CTNNBL1: variants seen among roughly 807,000 people sequenced by gnomAD.
CTNNBL1 encodes the protein beta-catenin-like protein 1.
Under a neutral mutation model 72.7 loss-of-function variants are expected in CTNNBL1, and 31 were observed. The ratio of observed to expected loss-of-function variants is 0.43; its 90% CI spans 0.32 to 0.58. The LOEUF (loss-of-function observed/expected upper bound fraction) is 0.58. Ranked by LOEUF, CTNNBL1 falls within the 20% of genes least tolerant of loss-of-function variation. CTNNBL1 has a pLI of 0.08. For synonymous variants in CTNNBL1, 240 were observed against 267.3 expected, an observed-to-expected ratio of 0.90 and a Z score of 1.00; for missense variants, 534 against 725.1, an observed-to-expected ratio of 0.74 and a Z score of 3.03.
chr20:37,809,537 A>G (rs1173243566), intron 11 of CTNNBL1, among the ~76,000 whole-genome samples: 1 of 152,184 alleles, frequency 6.6e-6, no homozygotes, highest in Non-Finnish European at 1.5e-5. Flanking sequence ...GTAATTGGCT[A>G]AACTGAGAGT....
intron 10 of CTNNBL1, among the ~76,000 whole-genome samples, chr20:37,791,850 C>CG (rs961110079): frequency 5.9e-5 from 9 of 152,200 alleles, no homozygotes; most frequent in African/African-American, 2.2e-4. Context: ...CGTGGAAAAA[C>CG]TATCTTCCAC....
chr20:37,757,422 A>C, intron 4 of CTNNBL1, 137 bp from the exon 5 acceptor site: 1 of 553,090 alleles, frequency 1.8e-6, no homozygotes, highest in Non-Finnish European at 3.3e-6. Context: ...ACCTTGTTGA[A>C]GAGATGTTAA....
intron 11 of CTNNBL1, among the ~76,000 whole-genome samples, chr20:37,810,243 T>C (rs1439979890): frequency 6.6e-6 from 1 of 152,084 alleles, no homozygotes; most frequent in Non-Finnish European, 1.5e-5. Context: ...GCCCATCTGG[T>C]GAGGGACTCA....
intron 1 of CTNNBL1, among the ~76,000 whole-genome samples, chr20:37,705,880 A>C (rs1202720751): frequency 2.0e-5 from 3 of 152,202 alleles, no homozygotes; most frequent in Non-Finnish European, 4.4e-5. Context: ...ACCTTCTCCA[A>C]GGTCAGCCAT....
chr20:37,861,914 A>G (rs1357777528), intron 15 of CTNNBL1, among the ~76,000 whole-genome samples: 1 of 152,214 alleles, frequency 6.6e-6, no homozygotes, highest in Non-Finnish European at 1.5e-5. Context: ...GAGAGGTGGC[A>G]TTGAGCTGGT....
chr20:37,767,493 C>T (rs1207280248), intron 6 of CTNNBL1, among the ~76,000 whole-genome samples: 1 of 152,142 alleles, frequency 6.6e-6, no homozygotes, highest in Non-Finnish European at 1.5e-5. Context: ...TTCTTGCTTC[C>T]ACCTGATGCA....
At chr20:37,866,277 G>A (rs1468578932) in intron 15 of CTNNBL1, among the ~76,000 whole-genome samples, 1 of 152,230 alleles carries the variant, frequency 6.6e-6, no homozygotes, top group Non-Finnish European at 1.5e-5. Flanking sequence ...GAGGGCTCTC[G>A]GGAAGCGCTG....
chr20:37,850,370 G>A (rs1408299306), intron 13 of CTNNBL1, among the ~76,000 whole-genome samples: 1 of 152,182 alleles, frequency 6.6e-6, no homozygotes, highest in East Asian at 1.9e-4. Context: ...TTGTTCCCTT[G>A]GGAAATGCCT....
At chr20:37,758,496 G>C (rs926057862) in intron 5 of CTNNBL1, among the ~76,000 whole-genome samples, 1 of 152,322 alleles carries the variant, frequency 6.6e-6, no homozygotes, top group East Asian at 1.9e-4. Flanking sequence ...TGATAAAAGA[G>C]ACTGCATGTT....
intron 1 of CTNNBL1, among the ~76,000 whole-genome samples, chr20:37,713,279 C>T (rs140647343): frequency 0.015 from 2,216 of 152,288 alleles, 22 homozygotes; most frequent in Middle Eastern, 0.024. Context: ...ACTTCCCATC[C>T]TCTTGGAGCC....
At chr20:37,792,096 G>A (rs2073730197) in intron 10 of CTNNBL1, among the ~76,000 whole-genome samples, 1 of 152,158 alleles carries the variant, frequency 6.6e-6, no homozygotes, top group South Asian at 2.1e-4. Context: ...GCAAAAAGAT[G>A]TTCATAAATA....
At chr20:37,868,783 C>T (rs562333687) in intron 15 of CTNNBL1, among the ~76,000 whole-genome samples, 19 of 152,248 alleles carry the variant, frequency 1.2e-4, no homozygotes, top group African/African-American at 4.1e-4. Flanking sequence ...TCAGGGAAGC[C>T]GGCTTTACTG....
intron 15 of CTNNBL1, among the ~76,000 whole-genome samples, chr20:37,868,993 A>G (rs1044606504): frequency 6.6e-6 from 1 of 152,178 alleles, no homozygotes; most frequent in Non-Finnish European, 1.5e-5. Flanking sequence ...ACATGTGAGT[A>G]AGAGATACCA....
intron 11 of CTNNBL1, among the ~76,000 whole-genome samples, chr20:37,836,620 C>G (rs566701035): frequency 1.3e-5 from 2 of 152,310 alleles, no homozygotes; most frequent in African/African-American, 4.8e-5. Flanking sequence ...ACTTGTTACA[C>G]AGTGCTATAA....
intron 1 of CTNNBL1, among the ~76,000 whole-genome samples, chr20:37,698,386 C>T (rs1425469893): frequency 6.6e-6 from 1 of 152,180 alleles, no homozygotes; most frequent in Non-Finnish European, 1.5e-5. Context: ...AGGTGAGAGG[C>T]CCACCCGTTA....
intron 3 of CTNNBL1, among the ~76,000 whole-genome samples, chr20:37,738,989 G>A (rs2073192115): frequency 6.6e-6 from 1 of 152,106 alleles, no homozygotes; most frequent in African/African-American, 2.4e-5. Flanking sequence ...CTCTTTGATA[G>A]TAGGAGTAGC....
chr20:37,849,387 T>C (rs1032660354), intron 13 of CTNNBL1, among the ~76,000 whole-genome samples: 4 of 152,228 alleles, frequency 2.6e-5, no homozygotes, highest in African/African-American at 9.6e-5. Flanking sequence ...TGGCCCCTGC[T>C]GGCTGCTCTA....
rs370374281 is a variant in CTNNBL1 at position 37,813,914 on chromosome 20, C to G, written c.1213+10866C>G. ...GGTTTATTAAAATTGAACACTTAATCTTTACTGAGATATGCTTCCTAATGT... is the reference window on the plus strand; with the variant it reads ...GGTTTATTAAAATTGAACACTTAATGTTTACTGAGATATGCTTCCTAATGT... On this transcript the variant is annotated intron_variant, in intron 11 of 15. Coordinates refer to ENST00000361383, the MANE Select transcript of CTNNBL1 (RefSeq NM_030877.5). 2.0e-4 allele frequency among the ~76,000 whole-genome samples: 31 copies of G among 152,294 alleles called. No homozygotes were observed. In the South Asian group the frequency reaches 6.0e-3, roughly 30 times the overall value.
intron 11 of CTNNBL1, among the ~76,000 whole-genome samples, chr20:37,831,067 T>A (rs1011073612): frequency 1.3e-5 from 2 of 152,270 alleles, no homozygotes; most frequent in Middle Eastern, 3.4e-3. Context: ...AACCCCAAAT[T>A]CTGGTTTCTG....
Sources: allele counts gnomAD v4.1 joint callset (sites outside exome capture counted in the v4.1 genomes callset), GRCh38; gene constraint gnomAD v4.1.1; transcripts MANE v1.5; gene names NCBI Gene and HGNC (gene_info 2026-07-23, HGNC 2026-07-21).